The following TFDP2 variants were observed in gnomAD, a reference collection of about 807,000 sequenced individuals.
TFDP2 encodes the protein transcription factor Dp-2 (E2F dimerization partner 2).
TFDP2 carries 17 observed loss-of-function variants against 59.3 expected under a neutral mutation model. That is an observed-to-expected ratio of 0.29 (90% CI 0.20 to 0.43). TFDP2 has a LOEUF of 0.43. TFDP2 is among the 20% of genes least tolerant of loss of function. The pLI, the probability that TFDP2 is intolerant of heterozygous loss-of-function variation, is 1.00. For missense variants in TFDP2, 391 were observed against 528.8 expected, an observed-to-expected ratio of 0.74 and a Z score of 2.56; for synonymous variants, 180 against 194.7, an observed-to-expected ratio of 0.92 and a Z score of 0.63.
intron 3 of TFDP2, among the ~76,000 whole-genome samples, chr3:142,068,227 G>A (rs2060135015): frequency 6.6e-6 from 1 of 152,068 alleles, no homozygotes; most frequent in African/African-American, 2.4e-5. Flanking sequence ...ATATCTACAT[G>A]TAAAGAAATG....
In TFDP2 at chr3:142,087,931, T is replaced by C. The variant is rs147520218; in HGVS notation, c.82+5130A>G. On this transcript the variant is annotated intron_variant, in intron 3 of 12. Coordinates refer to ENST00000489671, the MANE Select transcript of TFDP2 (RefSeq NM_001178139.2). ...CTCTGCTACATTGTTACTTCCTCAG[T>C]GCATTCTTCTCTGACCCACCCCATC... Among the ~76,000 whole-genome samples the C allele has an allele frequency of 2.0e-4, 30 of 152,350 alleles. No homozygotes were observed. The East Asian group carries it at 5.8e-3, about 29-fold the overall frequency.
intron 3 of TFDP2, among the ~76,000 whole-genome samples, chr3:142,048,463 A>G (rs957612874): frequency 6.6e-6 from 1 of 152,094 alleles, no homozygotes; most frequent in African/African-American, 2.4e-5. Context: ...TAGTAGAGGT[A>G]TAGTTTTCTA....
At chr3:142,007,242 T>C (rs1187253873) in intron 3 of TFDP2, among the ~76,000 whole-genome samples, 1 of 152,174 alleles carries the variant, frequency 6.6e-6, no homozygotes, top group African/African-American at 2.4e-5. Flanking sequence ...ATTCCACATA[T>C]AAAAATCAAA....
intron 3 of TFDP2, among the ~76,000 whole-genome samples, chr3:142,013,734 ATT>A (rs1056921027): frequency 6.6e-6 from 1 of 152,042 alleles, no homozygotes; most frequent in African/African-American, 2.4e-5. Flanking sequence ...TAACTGAAAT[ATT>A]TTTGTCTTCC....
rs117866010 is a variant in TFDP2 at position 141,948,065 on chromosome 3, C to T, written c.*4448G>A. 1 of 152,368 alleles carries T rather than the reference C, an allele frequency of 6.6e-6. No individual in the cohort carries two copies. The highest frequency in any genetic ancestry group is 1.9e-4 in the East Asian group (1 of 5,180). The allele number at this position is 152,368 out of a possible 1,614,324, so 9.4% of individuals were successfully genotyped here. On this transcript the variant is annotated 3_prime_UTR_variant, in exon 13 of 13. Coordinates refer to ENST00000489671, the MANE Select transcript of TFDP2 (RefSeq NM_001178139.2). ...CCAATGCCTGCTCACAGTAGGTACT[C>T]AAATGCTTACTGAATGAAGGATGAA...
At chr3:142,028,875 A>G (rs1193426813) in intron 3 of TFDP2, among the ~76,000 whole-genome samples, 2 of 152,242 alleles carry the variant, frequency 1.3e-5, no homozygotes, top group Non-Finnish European at 2.9e-5. Context: ...TTAAATTAAA[A>G]GGATATTTTT....
chr3:142,019,053 A>ATTTTTTTTTTT (rs62999460), intron 3 of TFDP2, among the ~76,000 whole-genome samples: 1 of 140,316 alleles, frequency 7.1e-6, no homozygotes, highest in Non-Finnish European at 1.6e-5. Context: ...TTCTTCGCAC[A>ATTTTTTTTTTT]TTTTTTTTTT....
chr3:142,135,172 C>G (rs139177261), intron 1 of TFDP2, among the ~76,000 whole-genome samples: 360 of 152,170 alleles, frequency 2.4e-3, no homozygotes, highest in African/African-American at 8.2e-3. Flanking sequence ...TAGGCAGGAT[C>G]ATAGCATACT....
intron 6 of TFDP2, among the ~76,000 whole-genome samples, chr3:141,979,598 C>G (rs888110244): frequency 6.6e-6 from 1 of 151,932 alleles, no homozygotes; most frequent in African/African-American, 2.4e-5. Context: ...GTCTCAGTTT[C>G]CTTTTTTGGA....
chr3:142,062,600 A>G (rs2059956975), intron 3 of TFDP2, among the ~76,000 whole-genome samples: 1 of 152,018 alleles, frequency 6.6e-6, no homozygotes. Flanking sequence ...ATCTGGGAGT[A>G]TCGACTAAAA....
At chr3:142,005,618 G>T in intron 3 of TFDP2, 74 bp from the exon 4 acceptor site, 1 of 950,412 alleles carries the variant, frequency 1.1e-6, no homozygotes. Context: ...ACACACCCAT[G>T]GTCCTAATTC....
chr3:142,098,723 T>C (rs1162999300), intron 2 of TFDP2, among the ~76,000 whole-genome samples: 10 of 152,138 alleles, frequency 6.6e-5, no homozygotes, highest in South Asian at 2.1e-4. Flanking sequence ...CTGGGCAACA[T>C]AGCCAGACTC....
At chr3:142,000,922 G>A (rs1943705482) in intron 4 of TFDP2, among the ~76,000 whole-genome samples, 1 of 152,158 alleles carries the variant, frequency 6.6e-6, no homozygotes, top group African/African-American at 2.4e-5. Context: ...AGGGTACCAG[G>A]GGCCCCCACC....
intron 3 of TFDP2, among the ~76,000 whole-genome samples, chr3:142,030,806 G>A (rs1049246327): frequency 1.2e-4 from 17 of 142,708 alleles, no homozygotes; most frequent in Middle Eastern, 3.7e-3. Flanking sequence ...GCAGTGGCGC[G>A]ATCTCGGCTC....
intron 3 of TFDP2, among the ~76,000 whole-genome samples, chr3:142,042,690 A>T (rs1362373734): frequency 8.2e-5 from 6 of 72,984 alleles, no homozygotes; most frequent in South Asian, 3.8e-4. Context: ...GATGAATTTT[A>T]TATATAGCTT....
chr3:142,032,893 T>C (rs1444596803), intron 3 of TFDP2, among the ~76,000 whole-genome samples: 2 of 152,276 alleles, frequency 1.3e-5, no homozygotes, highest in East Asian at 3.9e-4. Flanking sequence ...AAATTTAAGG[T>C]GATTAAAATT....
At chr3:141,958,561 G>C (rs1473801416) in intron 11 of TFDP2, among the ~76,000 whole-genome samples, 1 of 152,198 alleles carries the variant, frequency 6.6e-6, no homozygotes, top group African/African-American at 2.4e-5. Flanking sequence ...CACAGAGCCT[G>C]GGGCAGGGGC....
At chr3:142,057,423 G>A (rs1043744642) in intron 3 of TFDP2, among the ~76,000 whole-genome samples, 5 of 152,168 alleles carry the variant, frequency 3.3e-5, no homozygotes, top group African/African-American at 4.8e-5. Context: ...TTCTTAGCTC[G>A]ATTTCATGTG....
intron 3 of TFDP2, among the ~76,000 whole-genome samples, chr3:142,010,524 G>A (rs1385439018): frequency 1.3e-5 from 2 of 149,578 alleles, no homozygotes; most frequent in Non-Finnish European, 3.0e-5. Context: ...CAGGAGAATC[G>A]CTTGAACCCG....
Sources: allele counts gnomAD v4.1 joint callset (sites outside exome capture counted in the v4.1 genomes callset), GRCh38; gene constraint gnomAD v4.1.1; transcripts MANE v1.5; gene names NCBI Gene and HGNC (gene_info 2026-07-23, HGNC 2026-07-21).